Variants in A3GALT2 observed in about 807,000 individuals in gnomAD.
The protein encoded by A3GALT2 is alpha 1,3-galactosyltransferase 2.
A3GALT2 carries 14 observed loss-of-function variants against 16.6 expected under a neutral mutation model. The observed-to-expected ratio is 0.84, with a 90% confidence interval of 0.56 to 1.32. The LOEUF (loss-of-function observed/expected upper bound fraction) is 1.32, where lower values mean the gene tolerates loss of function less well. A3GALT2 is among the 40% of genes most tolerant of loss of function. A3GALT2 has a pLI of 0.00. For synonymous variants in A3GALT2, 253 were observed against 218.0 expected, an observed-to-expected ratio of 1.16 and a Z score of -1.42; for missense variants, 600 against 490.9, an observed-to-expected ratio of 1.22 and a Z score of -2.10.
chr1:33,316,368 TG>T (rs1045159090), intron 1 of A3GALT2, among the ~76,000 whole-genome samples: 23 of 152,102 alleles, frequency 1.5e-4, no homozygotes, highest in African/African-American at 5.1e-4. Flanking sequence ...TTGAGGGTCA[TG>T]GGGAGCCCTG....
intron 1 of A3GALT2, among the ~76,000 whole-genome samples, chr1:33,319,926 A>G (rs1646277612): frequency 6.6e-6 from 1 of 151,926 alleles, no homozygotes; most frequent in Non-Finnish European, 1.5e-5. Flanking sequence ...ATTCCTGTTT[A>G]CACTTTACAC....
intron 4 of A3GALT2, among the ~76,000 whole-genome samples, chr1:33,310,707 G>T (rs1258982426): frequency 6.6e-6 from 1 of 152,314 alleles, no homozygotes; most frequent in East Asian, 1.9e-4. Flanking sequence ...TGGGAAATGG[G>T]AATCAGAGAC....
At chr1:33,317,192 C>T (rs890418972) in intron 1 of A3GALT2, among the ~76,000 whole-genome samples, 10 of 151,962 alleles carry the variant, frequency 6.6e-5, no homozygotes, top group Non-Finnish European at 5.9e-5. Flanking sequence ...GGCAAATAAA[C>T]GTGTTAGGAA....
chr1:33,318,645 C>T (rs907950786), intron 1 of A3GALT2, among the ~76,000 whole-genome samples: 45 of 152,228 alleles, frequency 3.0e-4, no homozygotes, highest in African/African-American at 1.1e-3. Flanking sequence ...CTAGGCTTCC[C>T]CACCTCTGTA....
At chr1:33,308,750 G>GTTTTTTTTTTTTGTTTTTTTTTTTTT (rs1646216405) in intron 4 of A3GALT2, among the ~76,000 whole-genome samples, 1 of 46,124 alleles carries the variant, frequency 2.2e-5, no homozygotes, top group African/African-American at 1.2e-4. Context: ...TGTCAAAGTT[G>GTTTTTTTTTTTTGTTTTTTTTTTTTT]TTTTTTTTTT....
chr1:33,309,562 C>T (rs999304598), intron 4 of A3GALT2, among the ~76,000 whole-genome samples: 9 of 150,332 alleles, frequency 6.0e-5, no homozygotes, highest in African/African-American at 7.4e-5. Flanking sequence ...GGCTGCCGGG[C>T]GGAGGGGCTC....
chr1:33,312,762 C>A, intron 2 of A3GALT2, 45 bp downstream of exon 2: 1 of 1,554,848 alleles, frequency 6.4e-7, no homozygotes, highest in Non-Finnish European at 8.8e-7. Flanking sequence ...CCCCTTTAAA[C>A]CTGACTGTGG....
At position 33,312,485 on chromosome 1, in the gene A3GALT2, G is replaced by A; in HGVS notation, c.197+16C>T. 6.4e-7 allele frequency: 1 copy of A among 1,571,164 alleles called. No individual in the cohort carries two copies. The highest frequency in any genetic ancestry group is 8.6e-7 in the Non-Finnish European group (1 of 1,157,542). ...TTGGGGGTGCCCTTGGAGTAGGAGGGATGGGAGCTTCTTACCAGGGACGCA... is the reference window on the plus strand; with the variant it reads ...TTGGGGGTGCCCTTGGAGTAGGAGGAATGGGAGCTTCTTACCAGGGACGCA... On this transcript the variant is annotated intron_variant, in intron 3 of 4. Transcript: ENST00000442999.
At chr1:33,308,750 GTTTTTTTTT>G (rs56655319) in intron 4 of A3GALT2, among the ~76,000 whole-genome samples, 11 of 46,122 alleles carry the variant, frequency 2.4e-4, no homozygotes, top group African/African-American at 7.3e-4. Flanking sequence ...TGTCAAAGTT[GTTTTTTTTT>G]TTTTTTTTTT....
At chr1:33,310,559 A>G (rs1162385546) in intron 4 of A3GALT2, among the ~76,000 whole-genome samples, 3 of 152,170 alleles carry the variant, frequency 2.0e-5, no homozygotes, top group African/African-American at 7.2e-5. Flanking sequence ...ACTGCTTTCT[A>G]TGTCAATGTG....
chr1:33,315,314 G>A (rs1029256029), intron 1 of A3GALT2, among the ~76,000 whole-genome samples: 2 of 151,632 alleles, frequency 1.3e-5, no homozygotes, highest in East Asian at 1.9e-4. Flanking sequence ...CTTGGGAGGC[G>A]GAGGTTGCAG....
At chr1:33,317,065 G>C (rs1383209442) in intron 1 of A3GALT2, among the ~76,000 whole-genome samples, 1 of 152,156 alleles carries the variant, frequency 6.6e-6, no homozygotes, top group Non-Finnish European at 1.5e-5. Context: ...ACTTGAGCTT[G>C]GTTGAATGCT....
At chr1:33,313,805 G>T (rs1389103278) in intron 1 of A3GALT2, 1 of 152,318 alleles carries the variant, frequency 6.6e-6, no homozygotes, top group African/African-American at 2.4e-5. Flanking sequence ...GGCAAGGTCT[G>T]GTCCTCTGCA....
intron 3 of A3GALT2, 53 bp downstream of exon 3, chr1:33,312,448 G>T: frequency 6.7e-7 from 1 of 1,489,854 alleles, no homozygotes; most frequent in Non-Finnish European, 9.1e-7. Context: ...ATGGGGCAGA[G>T]CTGTGTAGGG....
At position 33,320,976 on chromosome 1, in the gene A3GALT2, T is replaced by C. The variant is rs1646283373; in HGVS notation, c.23+100A>G. 9 of 1,503,002 alleles carry C rather than the reference T, an allele frequency of 6.0e-6. No individual in the cohort carries two copies. The highest frequency in any genetic ancestry group is 8.3e-6 in the Non-Finnish European group (9 of 1,084,010). 93.1% of individuals were successfully genotyped at this position (1,503,002 alleles called of 1,614,324 possible). ...TCAGCTGGTACTCCTGGGCTCACTC[T>C]GGTGCCTCCCCTTGGTACTGTTTTA... On this transcript the variant is annotated intron_variant, in intron 1 of 4. Coordinates refer to ENST00000442999, the MANE Select transcript of A3GALT2 (RefSeq NM_001080438.1). This position sits in a 1 kb window ranked among gnomAD's most constrained non-coding sequence, Gnocchi z 4.3.
chr1:33,306,952 G>A lies in A3GALT2; in HGVS notation c.837C>T (p.Asp279=). Residue 279 remains aspartate (D), a synonymous_variant, in exon 5 of 5, where the codon GAC becomes GAT. Transcript: ENST00000442999. ...AGCGCGCCTCCAGGCCGCGCGCGCG[G>A]TCCCAGTCCAGGCCCCCCGCACAGT... ...TAHCAGGLDW[D]RARGLEARWH... 1 of 1,507,310 alleles carries A rather than the reference G, an allele frequency of 6.6e-7. No homozygotes were observed. The highest frequency in any genetic ancestry group is 8.8e-7 in the Non-Finnish European group (1 of 1,134,406). The allele number at this position is 1,507,310 out of a possible 1,614,324, so 93.4% of individuals were successfully genotyped here. A position where few individuals can be genotyped will look rare whatever the true frequency, so the allele number is the denominator to read the frequency against.
chr1:33,313,925 A>G (rs1340484838), intron 1 of A3GALT2: 1 of 151,734 alleles, frequency 6.6e-6, no homozygotes, highest in East Asian at 1.9e-4. Flanking sequence ...GCAATAGTTC[A>G]CTCAGCTTTA....
intron 1 of A3GALT2, 58 bp from the exon 2 acceptor site, chr1:33,312,948 T>G: frequency 7.9e-7 from 1 of 1,262,708 alleles, no homozygotes; most frequent in Non-Finnish European, 1.1e-6. Context: ...CAAATATTTA[T>G]ATGCACACAT....
In A3GALT2 at chr1:33,313,175, GTTTTTTTTTTT is replaced by G. The variant is rs10662364; in HGVS notation, c.24-296_24-286del. The G allele has an allele frequency of 4.2e-3, 381 of 90,648 alleles. 28 individuals are homozygous for G. The South Asian group carries it at 0.088, about 21-fold the overall frequency. The allele number at this position is 90,648 out of a possible 1,614,324, so 5.6% of individuals were successfully genotyped here. On this transcript the variant is annotated intron_variant, in intron 1 of 4. Transcript: ENST00000442999. ...CAAGTGTTTGTGGCTCAGTGACGGAGTTTTTTTTTTTTTTTTTTTTTTTTTTGAGACAGCCT... is the reference window on the plus strand; with the variant it reads ...CAAGTGTTTGTGGCTCAGTGACGGAGTTTTTTTTTTTTTTTGAGACAGCCT...
Sources: gnomAD v4.1 joint callset for allele counts (sites outside exome capture counted in the v4.1 genomes callset) on GRCh38, gnomAD v4.1.1 for gene constraint, Gnocchi (gnomAD v3.1) non-coding constraint, MANE v1.5 for transcripts, NCBI Gene and HGNC (gene_info 2026-07-23, HGNC 2026-07-21) for gene names.